Variants in GRIK2 observed in about 807,000 individuals in gnomAD.
GRIK2 encodes glutamate ionotropic receptor kainate type subunit 2.
A neutral mutation model predicts 100.3 loss-of-function variants in GRIK2; 32 were observed. The ratio of observed to expected loss-of-function variants is 0.32; its 90% CI spans 0.24 to 0.43. The LOEUF (loss-of-function observed/expected upper bound fraction) is 0.43, where lower values mean the gene tolerates loss of function less well. GRIK2 is among the 20% of genes least tolerant of loss of function. The pLI, the probability that GRIK2 is intolerant of heterozygous loss-of-function variation, is 1.00. For synonymous variants in GRIK2, 417 were observed against 389.4 expected (o/e 1.07, Z -0.83); for missense variants, 843 against 1,114.9 (o/e 0.76, Z 3.47).
At chr6:101,972,982 T>C (rs1793149266) in intron 14 of GRIK2, among the ~76,000 whole-genome samples, 1 of 152,036 alleles carries the variant, frequency 6.6e-6, no homozygotes, top group Non-Finnish European at 1.5e-5. Context: ...GGTAGTGTGA[T>C]GCCTCAAGCT....
At chr6:101,734,071 A>G (rs1414051936) in intron 7 of GRIK2, among the ~76,000 whole-genome samples, 1 of 152,014 alleles carries the variant, frequency 6.6e-6, no homozygotes, top group African/African-American at 2.4e-5. Context: ...GCCTCCACCC[A>G]CTACTGAGTT....
intron 15 of GRIK2, among the ~76,000 whole-genome samples, chr6:102,049,005 G>A (rs997215146): frequency 6.6e-6 from 1 of 151,770 alleles, no homozygotes; most frequent in African/African-American, 2.4e-5. Flanking sequence ...AGAACAAAAA[G>A]CATATTTTTA....
chr6:102,053,160 G>C (rs1485297249), intron 15 of GRIK2, among the ~76,000 whole-genome samples: 1 of 151,638 alleles, frequency 6.6e-6, no homozygotes, highest in African/African-American at 2.4e-5. Flanking sequence ...TTGATAACCA[G>C]GTGTGGCCAT....
chr6:101,854,509 C>T (rs1222184526), intron 10 of GRIK2, among the ~76,000 whole-genome samples: 2 of 152,070 alleles, frequency 1.3e-5, no homozygotes, highest in African/African-American at 4.8e-5. Flanking sequence ...ATTCACCCAC[C>T]TCGACCTCCC....
chr6:101,464,140 A>G (rs554423952), intron 2 of GRIK2, among the ~76,000 whole-genome samples: 1 of 152,310 alleles, frequency 6.6e-6, no homozygotes, highest in Admixed American at 6.5e-5. Context: ...TATGAATAAG[A>G]ATAACCAAAG....
chr6:101,599,291 G>A (rs180823986), intron 2 of GRIK2, among the ~76,000 whole-genome samples: 4 of 151,884 alleles, frequency 2.6e-5, no homozygotes, highest in Admixed American at 6.6e-5. Flanking sequence ...TGATGTACCT[G>A]TATTATATTT....
intron 2 of GRIK2, among the ~76,000 whole-genome samples, chr6:101,464,271 A>T (rs1267654716): frequency 6.6e-6 from 1 of 152,232 alleles, no homozygotes; most frequent in East Asian, 1.9e-4. Flanking sequence ...GAGAGGGTCC[A>T]TGGCTTTGGC....
At chr6:101,485,404 T>C (rs913475702) in intron 2 of GRIK2, among the ~76,000 whole-genome samples, 2 of 152,190 alleles carry the variant, frequency 1.3e-5, no homozygotes, top group Non-Finnish European at 2.9e-5. Context: ...TTTAATACTT[T>C]TTCTTTAACC....
At chr6:102,056,169 CTTTG>C (rs1771453517) in intron 16 of GRIK2, among the ~76,000 whole-genome samples, 1 of 151,700 alleles carries the variant, frequency 6.6e-6, no homozygotes, top group Non-Finnish European at 1.5e-5. Flanking sequence ...TTAATCAGTT[CTTTG>C]TTTTTTTGTA....
chr6:101,555,282 G>T (rs1014518164), intron 2 of GRIK2, among the ~76,000 whole-genome samples: 2 of 152,084 alleles, frequency 1.3e-5, no homozygotes, highest in Non-Finnish European at 2.9e-5. Flanking sequence ...GTGCTGTGCC[G>T]GGAAGTATAG....
intron 14 of GRIK2, among the ~76,000 whole-genome samples, chr6:101,995,186 G>C (rs1055564671): frequency 6.6e-6 from 1 of 151,910 alleles, no homozygotes; most frequent in Admixed American, 6.6e-5. Flanking sequence ...GATGAGAACA[G>C]AGAGTAACTT....
At chr6:101,748,004 C>T (rs900116364) in intron 7 of GRIK2, among the ~76,000 whole-genome samples, 49 of 152,250 alleles carry the variant, frequency 3.2e-4, no homozygotes, top group African/African-American at 1.2e-3. Flanking sequence ...AGGGAACTGA[C>T]ATTGCAATTG....
At chr6:101,824,077 C>A (rs1227605384) in intron 10 of GRIK2, among the ~76,000 whole-genome samples, 1 of 151,652 alleles carries the variant, frequency 6.6e-6, no homozygotes, top group African/African-American at 2.4e-5. Flanking sequence ...TTTGTAGAGA[C>A]GGTGACCATG....
chr6:101,795,611 A>C (rs930084287), intron 7 of GRIK2, among the ~76,000 whole-genome samples: 1 of 152,210 alleles, frequency 6.6e-6, no homozygotes, highest in African/African-American at 2.4e-5. Flanking sequence ...AAATAGCAGT[A>C]GTGATGGTGG....
chr6:101,442,716 A>G (rs1041040311), intron 2 of GRIK2, among the ~76,000 whole-genome samples: 1 of 152,116 alleles, frequency 6.6e-6, no homozygotes. Context: ...GCAACTACTC[A>G]ACCCTACCTT....
intron 14 of GRIK2, among the ~76,000 whole-genome samples, chr6:102,000,924 A>G (rs1216780155): frequency 6.6e-6 from 1 of 152,032 alleles, no homozygotes; most frequent in Non-Finnish European, 1.5e-5. Flanking sequence ...TTCTCTGCTT[A>G]CTGTTGGTTT....
Position 101,909,391 on chromosome 6 carries a change from T to TTTTTTG in GRIK2, c.1749-15205_1749-15204insGTTTTT, listed in dbSNP as rs1562481039. Among the ~76,000 whole-genome samples the TTTTTTG allele has an allele frequency of 4.9e-5, 7 of 143,662 alleles. No individual in the cohort carries two copies. The East Asian group carries it at 1.4e-3, about 29-fold the overall frequency. 94.2% of individuals were successfully genotyped at this position (143,662 alleles called of 152,430 possible). A position where few individuals can be genotyped will look rare whatever the true frequency, so the allele number is the denominator to read the frequency against. On this transcript the variant is annotated intron_variant, in intron 12 of 16. Coordinates refer to ENST00000369134, the MANE Select transcript of GRIK2 (RefSeq NM_021956.5). ...ATAGGGTTTTCTTTTTCTTTTTTTTTTTTTTAAAGATCATTTGGGATTTAG... is the reference window on the plus strand; with the variant it reads ...ATAGGGTTTTCTTTTTCTTTTTTTTTTTTTTGTTTTTAAAGATCATTTGGGATTTAG...
chr6:101,890,425 A>T (rs2128457492), intron 12 of GRIK2: 1 of 152,368 alleles, frequency 6.6e-6, no homozygotes, highest in African/African-American at 2.4e-5. Context: ...GTTTCAAGTC[A>T]TAGGATCAGA....
intron 7 of GRIK2, among the ~76,000 whole-genome samples, chr6:101,770,243 C>T (rs145511770): frequency 5.9e-5 from 9 of 152,100 alleles, no homozygotes; most frequent in African/African-American, 2.2e-4. Context: ...TTCTAACATC[C>T]TCCTGTTGCT....
Sources: gnomAD v4.1 joint callset for allele counts (sites outside exome capture counted in the v4.1 genomes callset) on GRCh38, gnomAD v4.1.1 for gene constraint, MANE v1.5 for transcripts, NCBI Gene and HGNC (gene_info 2026-07-23, HGNC 2026-07-21) for gene names.